GRIK2: variants seen among roughly 807,000 people sequenced by gnomAD.
GRIK2 encodes glutamate ionotropic receptor kainate type subunit 2.
GRIK2 carries 32 observed loss-of-function variants against 100.3 expected under a neutral mutation model. The observed-to-expected ratio is 0.32, with a 90% confidence interval of 0.24 to 0.43. GRIK2 has a LOEUF of 0.43. Ranked by LOEUF, GRIK2 falls within the 20% of genes least tolerant of loss-of-function variation. The pLI is 1.00. For synonymous variants in GRIK2, 417 were observed against 389.4 expected (o/e 1.07, Z -0.83); for missense variants, 843 against 1,114.9 (o/e 0.76, Z 3.47).
intron 14 of GRIK2, among the ~76,000 whole-genome samples, 164 bp from the exon 15 acceptor site, chr6:102,035,177 G>T (rs1770199274): frequency 7.3e-6 from 1 of 136,734 alleles, no homozygotes; most frequent in African/African-American, 2.9e-5. Context: ...TCATTATACA[G>T]ATTCAGACTT....
Position 101,497,741 on chromosome 6 carries a change from T to A in GRIK2, c.115+98349T>A, listed in dbSNP as rs553651131. 5.3e-5 allele frequency among the ~76,000 whole-genome samples: 8 copies of A among 152,286 alleles called. No individual in the cohort carries two copies. The East Asian group carries it at 1.5e-3, about 29-fold the overall frequency. On this transcript the variant is annotated intron_variant, in intron 2 of 16. Transcript: ENST00000369134. ...TTAAAGTTAACTTTTAAGTTCTGAA[T>A]TTTAAAGTGTTATGAAATTTCACTT... is the stretch of plus-strand genomic sequence containing the variant.
Position 101,393,794 on chromosome 6 carries a change from G to A in GRIK2, c.-337G>A, listed in dbSNP as rs941882282. On this transcript the variant is annotated 5_prime_UTR_variant, in exon 1 of 17. Coordinates refer to ENST00000369134, the MANE Select transcript of GRIK2 (RefSeq NM_021956.5). ...ACCTCCTCCGGCTGCTCCTCCCCGA[G>A]GACCACCCCACCCCCTCCCCGCCCA... Among the ~76,000 whole-genome samples, 3 of 152,000 alleles carry A rather than the reference G, an allele frequency of 2.0e-5. No individual in the cohort carries two copies. The highest frequency in any genetic ancestry group is 4.4e-5 in the Non-Finnish European group (3 of 67,962).
At chr6:101,480,481 A>G (rs953547478) in intron 2 of GRIK2, among the ~76,000 whole-genome samples, 1 of 151,960 alleles carries the variant, frequency 6.6e-6, no homozygotes, top group Non-Finnish European at 1.5e-5. Context: ...TTTCTACTAC[A>G]AAGGAAATTT....
Position 101,759,845 on chromosome 6 carries a change from A to ATTTTATTTTTTTTATT in GRIK2, c.952-39798_952-39783dup, listed in dbSNP as rs1257202141. On this transcript the variant is annotated intron_variant, in intron 7 of 16. Transcript: ENST00000369134. Reference sequence around the variant, plus strand: ...TAATCACTAGCTAGATAAATGCAGCATTTTATTTTTTTTATTTTTTTATTT... The same window carrying ATTTTATTTTTTTTATT: ...TAATCACTAGCTAGATAAATGCAGCATTTTATTTTTTTTATTTTTTATTTTTTTTATTTTTTTATTT... Among the ~76,000 whole-genome samples, 459 of 147,610 alleles carry ATTTTATTTTTTTTATT rather than the reference A, an allele frequency of 3.1e-3. 4 individuals carry two copies. Among genetic ancestry groups the ATTTTATTTTTTTTATT allele is most frequent in the African/African-American group, 4.5e-3 (173 of 38,762 alleles).
chr6:101,630,512 T>C (rs1215827171), intron 4 of GRIK2, among the ~76,000 whole-genome samples: 2 of 152,190 alleles, frequency 1.3e-5, no homozygotes, highest in Non-Finnish European at 2.9e-5. Flanking sequence ...GTACATCTTC[T>C]TTTGAGGAGT....
At position 101,682,558 on chromosome 6, in the gene GRIK2, A is replaced by G. The variant is rs1582951887; in HGVS notation, c.729A>G (p.Leu243=). ...EMAAGILKQA[L]AMGMMTEYYH... is the part of the protein sequence containing the mutation. Reference sequence around the variant, plus strand: ...TAATTTTTTTTTTTCCTTAGGCATTAGCTATGGGAATGATGACAGAATACT... The same window carrying G: ...TAATTTTTTTTTTTCCTTAGGCATTGGCTATGGGAATGATGACAGAATACT... Residue 243 remains leucine, a synonymous_variant, in exon 6 of 17, where the codon TTA becomes TTG. Coordinates refer to ENST00000369134, the MANE Select transcript of GRIK2 (RefSeq NM_021956.5). 7.7e-7 allele frequency: 1 copy of G among 1,297,500 alleles called. No homozygotes were observed. Among genetic ancestry groups the G allele is most frequent in the South Asian group, 1.2e-5 (1 of 81,328 alleles). 80.4% of individuals were successfully genotyped at this position (1,297,500 alleles called of 1,614,324 possible).
chr6:101,682,731 G>A, intron 6 of GRIK2, 125 bp downstream of exon 6: 2 of 505,724 alleles, frequency 4.0e-6, no homozygotes, highest in Non-Finnish European at 3.5e-6. Context: ...AATTTGATAA[G>A]ACTCCACCAA....
At chr6:102,017,506 G>A in intron 14 of GRIK2, among the ~76,000 whole-genome samples, 1 of 151,998 alleles carries the variant, frequency 6.6e-6, no homozygotes, top group East Asian at 1.9e-4. Flanking sequence ...TGTTTGGTTT[G>A]GTTTGTTATC....
chr6:101,899,763 AAAGTT>A (rs1413547180), intron 12 of GRIK2, among the ~76,000 whole-genome samples: 1 of 152,174 alleles, frequency 6.6e-6, no homozygotes, highest in African/African-American at 2.4e-5. Flanking sequence ...CTGGCATGAT[AAAGTT>A]ATAAACAGAA....
Position 101,897,075 on chromosome 6 carries a change from T to C in GRIK2, c.1748+7212T>C, listed in dbSNP as rs17062660. 5.3e-3 allele frequency among the ~76,000 whole-genome samples: 806 copies of C among 151,094 alleles called. 6 individuals carry two copies. The highest frequency in any genetic ancestry group is 0.018 in the African/African-American group (758 of 41,304). On this transcript the variant is annotated intron_variant, in intron 12 of 16. Coordinates refer to ENST00000369134, the MANE Select transcript of GRIK2 (RefSeq NM_021956.5). Reference sequence around the variant, plus strand: ...ACACATCTGATAAGAGCAGCACACGTATAAAAAATTTTTTTAAAGATTTGG... The same window carrying C: ...ACACATCTGATAAGAGCAGCACACGCATAAAAAATTTTTTTAAAGATTTGG...
chr6:101,651,875 C>T (rs1176654661), intron 4 of GRIK2, among the ~76,000 whole-genome samples: 2 of 152,028 alleles, frequency 1.3e-5, no homozygotes, highest in Non-Finnish European at 2.9e-5. Flanking sequence ...TGGATGAGAT[C>T]ATCACAGAAG....
chr6:101,680,803 AATTTGT>A (rs1285867899), intron 5 of GRIK2, among the ~76,000 whole-genome samples: 1 of 152,150 alleles, frequency 6.6e-6, no homozygotes, highest in East Asian at 1.9e-4. Context: ...TGATCTTGTA[AATTTGT>A]ATTTAATAAG....
At chr6:101,993,401 C>T (rs1350465291) in intron 14 of GRIK2, 1 of 151,276 alleles carries the variant, frequency 6.6e-6, no homozygotes, top group African/African-American at 2.4e-5. Context: ...TTATTTTTCT[C>T]TGGATTATTT....
chr6:101,731,483 A>G (rs981295418), intron 7 of GRIK2, among the ~76,000 whole-genome samples: 5 of 152,042 alleles, frequency 3.3e-5, no homozygotes, highest in Admixed American at 3.3e-4. Flanking sequence ...GGAGAATCAA[A>G]TGACAAAAAC....
chr6:101,742,585 G>T (rs754194284), intron 7 of GRIK2, among the ~76,000 whole-genome samples: 1 of 152,090 alleles, frequency 6.6e-6, no homozygotes, highest in Non-Finnish European at 1.5e-5. Flanking sequence ...AAATGCATTG[G>T]TTTGGTCCAG....
chr6:101,792,099 G>A (rs1779910272), intron 7 of GRIK2, among the ~76,000 whole-genome samples: 1 of 151,874 alleles, frequency 6.6e-6, no homozygotes, highest in South Asian at 2.1e-4. Context: ...GCCTATGTGT[G>A]TCTCTGCACG....
chr6:102,067,157 T>G (rs1772057508), intron 16 of GRIK2, among the ~76,000 whole-genome samples: 1 of 151,776 alleles, frequency 6.6e-6, no homozygotes, highest in Non-Finnish European at 1.5e-5. Context: ...TGTATGTATA[T>G]ATCATATATA....
At chr6:101,409,926 TA>T (rs1448608303) in intron 2 of GRIK2, among the ~76,000 whole-genome samples, 3 of 152,078 alleles carry the variant, frequency 2.0e-5, no homozygotes, top group African/African-American at 7.2e-5. Context: ...AATTATTCAT[TA>T]AAAATCTTCC....
At chr6:102,034,294 G>T (rs764353035) in intron 14 of GRIK2, among the ~76,000 whole-genome samples, 6 of 151,330 alleles carry the variant, frequency 4.0e-5, no homozygotes, top group Non-Finnish European at 7.4e-5. Context: ...GGCCTGCCTT[G>T]TAGTGGAAGT....
Sources: allele counts gnomAD v4.1 joint callset (sites outside exome capture counted in the v4.1 genomes callset), GRCh38; gene constraint gnomAD v4.1.1; transcripts MANE v1.5; gene names NCBI Gene and HGNC (gene_info 2026-07-23, HGNC 2026-07-21).